FAM13B: variants seen among roughly 807,000 people sequenced by gnomAD.
The protein encoded by FAM13B is protein FAM13B.
Under a neutral mutation model 117.3 loss-of-function variants are expected in FAM13B, and 60 were observed. The ratio of observed to expected loss-of-function variants is 0.51; its 90% CI spans 0.42 to 0.63. The LOEUF is 0.63. FAM13B is among the 30% of genes least tolerant of loss of function. The probability of loss-of-function intolerance (pLI) is 0.00; values close to 1 mark genes in which losing one functional copy is unlikely to be tolerated. For missense variants in FAM13B, 972 were observed against 1,091.9 expected (o/e 0.89, Z 1.55); for synonymous variants, 332 against 356.1 (o/e 0.93, Z 0.76).
chr5:138,036,073 C>T (rs1187418155), upstream of FAM13B: 2 of 291,218 alleles, frequency 6.9e-6, no homozygotes, highest in Non-Finnish European at 1.4e-5. Context: ...CTCTCACACT[C>T]GTCCATTTGC....
intron 4 of FAM13B, among the ~76,000 whole-genome samples, chr5:138,012,409 A>G (rs893851379): frequency 2.6e-5 from 4 of 152,164 alleles, no homozygotes; most frequent in Admixed American, 1.3e-4. Flanking sequence ...AGCTTAGATG[A>G]AAGTAAAAAG....
intron 9 of FAM13B, among the ~76,000 whole-genome samples, chr5:137,986,147 T>A (rs186577678): frequency 6.6e-6 from 1 of 152,156 alleles, no homozygotes. Flanking sequence ...TGCATTCTAA[T>A]CATGCCTTCA....
At position 137,942,030 on chromosome 5, in the gene FAM13B, T is replaced by C; in HGVS notation, c.2604A>G (p.Glu868=). Residue 868 remains glutamate, a synonymous_variant, in exon 23 of 24, where the codon GAA becomes GAG. Transcript: ENST00000689681. ...TTTCAGCTCTGGCTTTCCAAAGTTG[T>C]TCCAATAATTCAGGCCTAGAATTGA... ...SRAASMPELL[E]QLWKARAEKK... 5.0e-6 allele frequency: 8 copies of C among 1,613,866 alleles called. No homozygotes were observed. Among genetic ancestry groups the C allele is most frequent in the Non-Finnish European group, 5.9e-6 (7 of 1,179,910 alleles).
chr5:137,980,315 TG>T (rs946838820), intron 10 of FAM13B, among the ~76,000 whole-genome samples: 1 of 152,100 alleles, frequency 6.6e-6, no homozygotes, highest in Non-Finnish European at 1.5e-5. Context: ...TAGCTGGGGT[TG>T]GGGGGAAGAA....
Position 138,006,998 on chromosome 5 carries a change from C to G in FAM13B, c.840G>C (p.Thr280=), listed in dbSNP as rs752750221. The G allele has an allele frequency of 6.2e-7, 1 of 1,606,582 alleles. No individual in the cohort carries two copies. The highest frequency in any genetic ancestry group is 1.3e-5 in the African/African-American group (1 of 74,554). ...TTCAACTGAGCTATTACCTTGTTGC[C>G]GTAACACTATTTGATTCCAGGATGT... ...TENILESNSV[T]ATSTHISPIS... Residue 280 remains threonine (T), a synonymous_variant, in exon 7 of 24, where the codon ACG becomes ACC. Coordinates refer to ENST00000689681, the MANE Select transcript of FAM13B (RefSeq NM_001385994.1).
intron 1 of FAM13B, among the ~76,000 whole-genome samples, chr5:138,029,659 C>T (rs566837762): frequency 6.6e-6 from 1 of 152,312 alleles, no homozygotes. Context: ...CATAGAGAAC[C>T]TCCTCCACCT....
chr5:138,013,181 T>C (rs1298591191), intron 4 of FAM13B, among the ~76,000 whole-genome samples: 1 of 136,678 alleles, frequency 7.3e-6, no homozygotes, highest in Non-Finnish European at 1.6e-5. Context: ...TCAGCCTGGG[T>C]GACAGAGTGA....
chr5:138,012,330 C>T (rs575830261), intron 4 of FAM13B, among the ~76,000 whole-genome samples: 62 of 149,536 alleles, frequency 4.1e-4, no homozygotes, highest in African/African-American at 1.2e-3. Context: ...CCATGCCAGA[C>T]AATACAAACC....
At chr5:138,026,239 T>C (rs532438943) in intron 1 of FAM13B, among the ~76,000 whole-genome samples, 2 of 152,290 alleles carry the variant, frequency 1.3e-5, no homozygotes, top group Non-Finnish European at 2.9e-5. Context: ...GTCATAACTG[T>C]GGCAGTGATA....
intron 7 of FAM13B, among the ~76,000 whole-genome samples, chr5:137,993,059 G>A (rs1338555293): frequency 6.6e-6 from 1 of 152,078 alleles, no homozygotes. Flanking sequence ...AACTTACACA[G>A]TGAAAAAAAT....
chr5:137,945,229 T>C (rs1213256041), intron 20 of FAM13B, among the ~76,000 whole-genome samples: 5 of 152,172 alleles, frequency 3.3e-5, no homozygotes, highest in African/African-American at 4.8e-5. Context: ...AATTAATTCA[T>C]AGGAAATAAT....
intron 10 of FAM13B, among the ~76,000 whole-genome samples, chr5:137,979,011 G>T (rs1194337941): frequency 6.8e-6 from 1 of 148,124 alleles, no homozygotes; most frequent in African/African-American, 2.5e-5. Context: ...TCACAGTTCA[G>T]ACTTTTTTTT....
chr5:138,050,152 A>T (rs373961073), intron 1 of FAM13B, among the ~76,000 whole-genome samples: 4 of 151,668 alleles, frequency 2.6e-5, no homozygotes, highest in African/African-American at 9.7e-5. Context: ...ACAAATAAAA[A>T]GAGGGCCAGG....
chr5:138,046,290 G>A (rs931000108), intron 1 of FAM13B, among the ~76,000 whole-genome samples: 1 of 152,160 alleles, frequency 6.6e-6, no homozygotes, highest in African/African-American at 2.4e-5. Context: ...CCAGTCTCTG[G>A]TATGTCTTTA....
intron 10 of FAM13B, among the ~76,000 whole-genome samples, chr5:137,982,321 G>T (rs745575517): frequency 6.6e-6 from 1 of 152,176 alleles, no homozygotes; most frequent in African/African-American, 2.4e-5. Context: ...GGGAGGCCAC[G>T]GCAGGCAGAT....
At chr5:137,999,791 T>C (rs957808858) in intron 7 of FAM13B, among the ~76,000 whole-genome samples, 1 of 152,150 alleles carries the variant, frequency 6.6e-6, no homozygotes, top group Non-Finnish European at 1.5e-5. Flanking sequence ...GGCCCATTGA[T>C]AGACTTTTCA....
At chr5:138,026,726 G>A (rs1788506069) in intron 1 of FAM13B, among the ~76,000 whole-genome samples, 1 of 145,900 alleles carries the variant, frequency 6.9e-6, no homozygotes, top group African/African-American at 2.5e-5. Flanking sequence ...GATCACCCAA[G>A]ATCAGGAGTT....
intron 20 of FAM13B, among the ~76,000 whole-genome samples, chr5:137,945,636 G>A (rs758508282): frequency 6.6e-6 from 1 of 152,160 alleles, no homozygotes; most frequent in Non-Finnish European, 1.5e-5. Context: ...CATCACCTGT[G>A]AAATGATGCT....
In FAM13B at chr5:138,032,960, AC is replaced by A; in HGVS notation, c.-382del. 1.0e-6 allele frequency: 1 copy of A among 985,842 alleles called. No homozygotes were observed. The allele number at this position is 985,842 out of a possible 1,614,324, so 61.1% of individuals were successfully genotyped here. ...TGGCGCGGGGCCAGCCCGGTAAGCG[AC>A]CCCCCGGATACCCCCGGCGGTGGTG... On this transcript the variant is annotated 5_prime_UTR_variant, in exon 1 of 24. Coordinates refer to ENST00000689681, the MANE Select transcript of FAM13B (RefSeq NM_001385994.1).
Sources: allele counts gnomAD v4.1 joint callset (sites outside exome capture counted in the v4.1 genomes callset), GRCh38; gene constraint gnomAD v4.1.1; transcripts MANE v1.5; gene names NCBI Gene and HGNC (gene_info 2026-07-23, HGNC 2026-07-21).